SLC4A1AP: variants seen among roughly 807,000 people sequenced by gnomAD.
The protein encoded by SLC4A1AP is solute carrier family 4 member 1 adaptor protein.
A neutral mutation model predicts 89.7 loss-of-function variants in SLC4A1AP; 64 were observed. The ratio of observed to expected loss-of-function variants is 0.71; its 90% CI spans 0.58 to 0.88. SLC4A1AP has a LOEUF of 0.88. SLC4A1AP is among the 40% of genes least tolerant of loss of function. The probability of loss-of-function intolerance (pLI) is 0.00; values close to 1 mark genes in which losing one functional copy is unlikely to be tolerated. For missense variants in SLC4A1AP, 931 were observed against 965.0 expected (o/e 0.96, Z 0.47); for synonymous variants, 366 against 353.3 (o/e 1.04, Z -0.40).
rs111317090 is a variant in SLC4A1AP, at chr2:27,670,298, G to A, written c.1345+911G>A. ...CAGGCATGAGCCACTGCGCCTGGCC[G>A]TATCACGAATATTACATCAATACAT... On this transcript the variant is annotated intron_variant, in intron 5 of 13. Coordinates refer to ENST00000613058, the Ensembl canonical transcript of SLC4A1AP. Among the ~76,000 whole-genome samples the A allele has an allele frequency of 6.3e-3, 956 of 151,726 alleles. 12 individuals carry two copies. Among genetic ancestry groups the A allele is most frequent in the African/African-American group, 0.02 (836 of 41,418 alleles).
At chr2:27,669,203 A>G in intron 4 of SLC4A1AP, 45 bp from the exon 5 acceptor site, 1 of 1,553,924 alleles carries the variant, frequency 6.4e-7, no homozygotes, top group East Asian at 2.3e-5. Context: ...TTTCTTGAGA[A>G]TTGGAGCTTA....
chr2:27,664,107 C>T (rs773717145), exon 1 of SLC4A1AP: 18 of 1,614,034 alleles, frequency 1.1e-5, no homozygotes, highest in African/African-American at 4.0e-5. Flanking sequence ...GCCCGACATC[C>T]CTCCTCCTCA....
chr2:27,668,604 C>CATG (rs1267731800), intron 3 of SLC4A1AP: 2 of 659,680 alleles, frequency 3.0e-6, no homozygotes, highest in Non-Finnish European at 5.6e-6. Context: ...CACGTACCAT[C>CATG]ATGCCCGGCT....
chr2:27,683,687 T>C (rs1481078343), intron 9 of SLC4A1AP, among the ~76,000 whole-genome samples: 1 of 152,152 alleles, frequency 6.6e-6, no homozygotes, highest in Non-Finnish European at 1.5e-5. Context: ...CACCCTGAAT[T>C]AGGGTATACT....
intron 2 of SLC4A1AP, among the ~76,000 whole-genome samples, chr2:27,666,217 G>A (rs1558504821): frequency 6.6e-6 from 1 of 152,024 alleles, no homozygotes; most frequent in East Asian, 1.9e-4. Context: ...TTAAGATGAC[G>A]CATACAGCTG....
At chr2:27,693,508 C>T in intron 12 of SLC4A1AP, 177 bp from the exon 13 acceptor site, 1 of 573,054 alleles carries the variant, frequency 1.7e-6, no homozygotes, top group Non-Finnish European at 3.1e-6. Flanking sequence ...ATGTGCTTGT[C>T]TGAAAAAGAC....
intron 9 of SLC4A1AP, 137 bp downstream of exon 9, chr2:27,682,496 A>C (rs964184134): frequency 5.8e-6 from 3 of 519,670 alleles, no homozygotes; most frequent in Non-Finnish European, 1.0e-5. Context: ...GTATGATCAC[A>C]TCTTTCCCAG....
intron 8 of SLC4A1AP, among the ~76,000 whole-genome samples, chr2:27,679,855 C>G (rs1675590541): frequency 6.6e-6 from 1 of 152,094 alleles, no homozygotes; most frequent in Non-Finnish European, 1.5e-5. Flanking sequence ...ATCGGAGATT[C>G]ATCTGCAAGT....
At chr2:27,693,877 T>C in intron 13 of SLC4A1AP, 123 bp downstream of exon 13, 2 of 606,394 alleles carry the variant, frequency 3.3e-6, no homozygotes, top group Non-Finnish European at 5.3e-6. Flanking sequence ...TTGTATACCA[T>C]GTTTGGATCC....
intron 5 of SLC4A1AP, 64 bp downstream of exon 5, chr2:27,669,451 T>C: frequency 7.1e-7 from 1 of 1,399,566 alleles, no homozygotes; most frequent in Non-Finnish European, 9.5e-7. Context: ...CAAACGCTAA[T>C]AAAACTTCTT....
chr2:27,669,149 G>C lies in SLC4A1AP; in HGVS notation c.1206-99G>C, dbSNP rs887466514. On this transcript the variant is annotated intron_variant, in intron 4 of 13. Coordinates refer to ENST00000613058, the Ensembl canonical transcript of SLC4A1AP. ...ACAAGATGGATTCAAAGACTGAAAG[G>C]CCATCTAAAAAAAAAATGACTATTA... The C allele has an allele frequency of 1.7e-5, 21 of 1,265,906 alleles. No homozygotes were observed. In the African/African-American group the frequency reaches 3.2e-4, roughly 19 times the overall value. The allele number at this position is 1,265,906 out of a possible 1,614,324, so 78.4% of individuals were successfully genotyped here. A position where few individuals can be genotyped will look rare whatever the true frequency, so the allele number is the denominator to read the frequency against.
At chr2:27,688,847 T>C in intron 12 of SLC4A1AP, 80 bp downstream of exon 12, 1 of 1,081,054 alleles carries the variant, frequency 9.3e-7, no homozygotes, top group Non-Finnish European at 1.4e-6. Context: ...CTTTGGAGAC[T>C]GACTTAACAG....
chr2:27,666,359 A>ACCACC (rs1553363254), intron 2 of SLC4A1AP, among the ~76,000 whole-genome samples: 5 of 3,366 alleles, frequency 1.5e-3, no homozygotes, highest in Non-Finnish European at 4.5e-3. Flanking sequence ...TCCACCCCCC[A>ACCACC]CCCCCCCCCC....
intron 12 of SLC4A1AP, chr2:27,693,476 G>C (rs1185051477): frequency 1.8e-6 from 1 of 540,822 alleles, no homozygotes; most frequent in Non-Finnish European, 3.3e-6. Context: ...GGTCTGGTCT[G>C]GTAGTGACAA....
chr2:27,665,891 A>C (rs114324549), intron 2 of SLC4A1AP, among the ~76,000 whole-genome samples: 2,570 of 152,336 alleles, frequency 0.017, 80 homozygotes, highest in African/African-American at 0.058. Flanking sequence ...ACTTGTGCTA[A>C]GTGCCAAACA....
chr2:27,673,911 C>T (rs1298293663), intron 5 of SLC4A1AP, among the ~76,000 whole-genome samples: 1 of 152,028 alleles, frequency 6.6e-6, no homozygotes, highest in Non-Finnish European at 1.5e-5. Flanking sequence ...GGAACAACTG[C>T]ATGAACCAGA....
At chr2:27,682,120 T>C (rs1238725551) in intron 8 of SLC4A1AP, 128 bp from the exon 9 acceptor site, 2 of 615,804 alleles carry the variant, frequency 3.2e-6, no homozygotes, top group East Asian at 2.9e-5. Flanking sequence ...CTTATTGTTA[T>C]ATGCTTAGAT....
At chr2:27,672,058 T>TC (rs1346872137) in intron 5 of SLC4A1AP, among the ~76,000 whole-genome samples, 3 of 152,200 alleles carry the variant, frequency 2.0e-5, no homozygotes, top group African/African-American at 4.8e-5. Context: ...ATCTTTTTTT[T>TC]CCGCCTTGCC....
rs754681786 is a variant in SLC4A1AP at position 27,667,315 on chromosome 2, G to C, written c.1069G>C (p.Glu357Gln). ...TGCTGAAGAGAACCCTATTGTCTTAGAGTTTCAGCAGGAAAGGGAGGCCTT... is the reference window on the plus strand; with the variant it reads ...TGCTGAAGAGAACCCTATTGTCTTACAGTTTCAGCAGGAAAGGGAGGCCTT... The change falls in exon 3 of 14, where the codon GAG (glutamate) becomes CAG (glutamine). Residue 357 changes from glutamate to glutamine, a missense_variant. By Grantham distance (29) the Glu-to-Gln change is conservative (BLOSUM62 2). Coordinates refer to ENST00000613058, the Ensembl canonical transcript of SLC4A1AP. The C allele has an allele frequency of 4.3e-6, 7 of 1,613,712 alleles. No homozygotes were observed. The South Asian group carries it at 5.5e-5, about 13-fold the overall frequency.
Sources: gnomAD v4.1 joint callset for allele counts (sites outside exome capture counted in the v4.1 genomes callset) on GRCh38, gnomAD v4.1.1 for gene constraint, MANE v1.5 for transcripts, NCBI Gene and HGNC (gene_info 2026-07-23, HGNC 2026-07-21) for gene names.